SCD5: variants seen among roughly 807,000 people sequenced by gnomAD.
SCD5 encodes acyl-CoA-desaturase 4.
In SCD5, 20 loss-of-function variants were observed where a neutral mutation model predicts 30.4. The observed-to-expected ratio is 0.66, with a 90% CI of 0.46 to 0.96. The LOEUF (loss-of-function observed/expected upper bound fraction) is 0.96. SCD5 is among the 40% of genes least tolerant of loss of function. The pLI is 0.00. For synonymous variants in SCD5, 173 were observed against 176.4 expected (o/e 0.98, Z 0.16); for missense variants, 381 against 443.3 (o/e 0.86, Z 1.26).
At chr4:82,706,274 C>G (rs1719967366) in intron 1 of SCD5, among the ~76,000 whole-genome samples, 1 of 152,136 alleles carries the variant, frequency 6.6e-6, no homozygotes, top group South Asian at 2.1e-4. Context: ...TTCTATTCTG[C>G]CAGTAGGCTG....
At chr4:82,788,209 C>T (rs759739762) in intron 1 of SCD5, among the ~76,000 whole-genome samples, 2 of 152,158 alleles carry the variant, frequency 1.3e-5, no homozygotes, top group Non-Finnish European at 2.9e-5. Flanking sequence ...GCCTCCAGAA[C>T]TCAGAAATAA....
At chr4:82,639,419 C>T (rs992586562) in intron 3 of SCD5, among the ~76,000 whole-genome samples, 15 of 152,206 alleles carry the variant, frequency 9.9e-5, no homozygotes, top group Non-Finnish European at 2.2e-4. Flanking sequence ...TTCAGTGGAT[C>T]CGATGGGGCG....
intron 2 of SCD5, among the ~76,000 whole-genome samples, chr4:82,690,633 CAT>C (rs1182745886): frequency 2.0e-5 from 3 of 152,226 alleles, no homozygotes; most frequent in Admixed American, 2.0e-4. Context: ...TCTTTCCATT[CAT>C]ACTCCCCAAA....
intron 1 of SCD5, chr4:82,753,370 C>T (rs764082710): frequency 5.1e-5 from 27 of 533,446 alleles, no homozygotes; most frequent in African/African-American, 7.7e-5. Flanking sequence ...CCAACTGGCT[C>T]ATTGTGCAGA....
chr4:82,775,875 C>T (rs1356362670), intron 1 of SCD5: 1 of 152,022 alleles, frequency 6.6e-6, no homozygotes, highest in Non-Finnish European at 1.5e-5. Flanking sequence ...AAAAGTTCAT[C>T]ATTTGAAACA....
At chr4:82,632,840 A>T (rs7691204) in intron 4 of SCD5, among the ~76,000 whole-genome samples, 39,795 of 151,868 alleles carry the variant, frequency 0.26, 6,198 homozygotes, top group African/African-American at 0.43. Context: ...TTGATTTTTT[A>T]AATTTCTTTT....
intron 1 of SCD5, among the ~76,000 whole-genome samples, chr4:82,743,579 C>T (rs1367658056): frequency 6.6e-6 from 1 of 151,964 alleles, no homozygotes. Context: ...GGAGTGCAGT[C>T]GTGCAATCAC....
chr4:82,708,919 T>TAACAATAGCTACC (rs11269316), intron 1 of SCD5, among the ~76,000 whole-genome samples: 4 of 151,854 alleles, frequency 2.6e-5, no homozygotes, highest in Non-Finnish European at 4.4e-5. Context: ...TAATAAATAA[T>TAACAATAGCTACC]ATTGACTGAG....
chr4:82,684,381 A>G (rs1481263963), intron 2 of SCD5, among the ~76,000 whole-genome samples: 4 of 152,240 alleles, frequency 2.6e-5, no homozygotes, highest in African/African-American at 9.6e-5. Flanking sequence ...CTTGGTAATA[A>G]ATAAATTAAA....
intron 3 of SCD5, among the ~76,000 whole-genome samples, chr4:82,659,214 T>C (rs1727933157): frequency 6.6e-6 from 1 of 151,230 alleles, no homozygotes; most frequent in Non-Finnish European, 1.5e-5. Context: ...GTCTATCTGA[T>C]TCTTCTCCCT....
chr4:82,678,658 T>C (rs1332911467), intron 3 of SCD5, among the ~76,000 whole-genome samples: 1 of 152,200 alleles, frequency 6.6e-6, no homozygotes, highest in Non-Finnish European at 1.5e-5. Flanking sequence ...CCTTTGACAA[T>C]GGTGTCTACA....
chr4:82,636,278 TA>T (rs34221980), intron 4 of SCD5, among the ~76,000 whole-genome samples: 32,090 of 140,116 alleles, frequency 0.23, 3,656 homozygotes, highest in East Asian at 0.38. Flanking sequence ...CCATCTCTAC[TA>T]AAAAAAAAAA....
At chr4:82,721,777 G>A (rs1282436449) in intron 1 of SCD5, among the ~76,000 whole-genome samples, 1 of 152,188 alleles carries the variant, frequency 6.6e-6, no homozygotes, top group Non-Finnish European at 1.5e-5. Context: ...CATCTCTATT[G>A]CTTAAGCCAC....
intron 1 of SCD5, among the ~76,000 whole-genome samples, chr4:82,747,400 A>G (rs1389741132): frequency 6.6e-6 from 1 of 152,146 alleles, no homozygotes. Context: ...CCTGGCTCCA[A>G]AGCTCATCCC....
intron 1 of SCD5, among the ~76,000 whole-genome samples, chr4:82,741,863 G>C (rs1256897463): frequency 1.6e-5 from 2 of 127,674 alleles, no homozygotes; most frequent in Admixed American, 7.8e-5. Context: ...CGGGGGGGGG[G>C]AGTGGGCAGA....
Position 82,648,850 on chromosome 4 carries a change from G to A in SCD5, c.570-12027C>T, listed in dbSNP as rs758713880. ...TCGGTGAGACCTGAAGGAGTCGGTC[G>A]TGCCGAGACTAAGAGTACAAAATTA... is the stretch of plus-strand genomic sequence containing the variant. On this transcript the variant is annotated intron_variant, in intron 3 of 4. Coordinates refer to ENST00000319540, the MANE Select transcript of SCD5 (RefSeq NM_001037582.3). Among the ~76,000 whole-genome samples the A allele has an allele frequency of 5.9e-5, 9 of 152,236 alleles. No homozygotes were observed. The South Asian group carries it at 6.2e-4, about 11-fold the overall frequency.
chr4:82,782,453 T>A (rs569235462), intron 1 of SCD5, among the ~76,000 whole-genome samples: 5 of 152,246 alleles, frequency 3.3e-5, no homozygotes, highest in Admixed American at 6.5e-5. Context: ...AAGCAGCTGC[T>A]GCCCCTGATT....
intron 1 of SCD5, among the ~76,000 whole-genome samples, chr4:82,780,848 G>A (rs1416594365): frequency 2.0e-5 from 3 of 152,224 alleles, no homozygotes; most frequent in African/African-American, 4.8e-5. Flanking sequence ...CTGCTTCTCC[G>A]GGGCCTGCTG....
intron 4 of SCD5, among the ~76,000 whole-genome samples, chr4:82,633,503 T>C (rs7655583): frequency 0.26 from 39,847 of 152,096 alleles, 6,212 homozygotes; most frequent in African/African-American, 0.43. Flanking sequence ...TACCCAGAAG[T>C]AGGATTGCGA....
Sources: gnomAD v4.1 joint callset for allele counts (sites outside exome capture counted in the v4.1 genomes callset) on GRCh38, gnomAD v4.1.1 for gene constraint, MANE v1.5 for transcripts, NCBI Gene and HGNC (gene_info 2026-07-23, HGNC 2026-07-21) for gene names.